PREX1: variants seen among roughly 807,000 people sequenced by gnomAD.
The protein encoded by PREX1 is phosphatidylinositol-3,4,5-trisphosphate dependent Rac exchange factor 1, also known as phosphatidylinositol 3,4,5-trisphosphate-dependent Rac exchanger 1 protein.
In PREX1, 41 loss-of-function variants were observed where a neutral mutation model predicts 198.3. The ratio of observed to expected loss-of-function variants is 0.21; its 90% CI spans 0.16 to 0.27. The LOEUF (loss-of-function observed/expected upper bound fraction) is 0.27. PREX1 is among the 10% of genes least tolerant of loss of function. The pLI, the probability that PREX1 is intolerant of heterozygous loss-of-function variation, is 1.00. For synonymous variants in PREX1, 843 were observed against 887.2 expected, an observed-to-expected ratio of 0.95 and a Z score of 0.89; for missense variants, 1,620 against 2,200.7, an observed-to-expected ratio of 0.74 and a Z score of 5.28.
intron 18 of PREX1, among the ~76,000 whole-genome samples, chr20:48,655,984 C>T (rs1463052445): frequency 1.3e-5 from 2 of 152,286 alleles, no homozygotes; most frequent in East Asian, 3.9e-4. Context: ...GCAGATAAAG[C>T]CGAGCTGGGA....
chr20:48,635,149 G>A (rs6066791), intron 32 of PREX1, among the ~76,000 whole-genome samples: 41,970 of 151,956 alleles, frequency 0.28, 5,972 homozygotes, highest in South Asian at 0.42. Context: ...TAGCACCAGC[G>A]TTCATTCGGT....
In PREX1 at chr20:48,805,537, G is replaced by T. The variant is rs532586456; in HGVS notation, c.219+22105C>A. Among the ~76,000 whole-genome samples the T allele has an allele frequency of 2.6e-5, 4 of 152,354 alleles. 1 individual carries two copies. In the South Asian group the frequency reaches 8.3e-4, roughly 32 times the overall value. Reference sequence around the variant, plus strand: ...ATATGTCTTGGCCCGAAGTGTTGTGGTGACTGGCAGACAACAAGTGCTGGC... The same window carrying T: ...ATATGTCTTGGCCCGAAGTGTTGTGTTGACTGGCAGACAACAAGTGCTGGC... On this transcript the variant is annotated intron_variant, in intron 1 of 39. Coordinates refer to ENST00000371941, the MANE Select transcript of PREX1 (RefSeq NM_020820.4).
Position 48,701,942 on chromosome 20 carries a change from C to T in PREX1, c.784-1056G>A, listed in dbSNP as rs538945086. Among the ~76,000 whole-genome samples the T allele has an allele frequency of 3.9e-5, 6 of 152,146 alleles. No individual in the cohort carries two copies. The South Asian group carries it at 6.2e-4, about 16-fold the overall frequency. On this transcript the variant is annotated intron_variant, in intron 6 of 39. Transcript: ENST00000371941. ...AATTAAGATAAAGAGGCTGGCCGGG[C>T]GCAGTGGTTCATGCCTGTAATCCTT...
chr20:48,666,467 G>T lies in PREX1; in HGVS notation c.1666-112C>A, dbSNP rs1369251405. ...AAGGTAGGCTCCACGAGGGCCAGGG[G>T]TTGTCTGTTTTGTTTACTGCAGTAA... On this transcript the variant is annotated intron_variant, in intron 14 of 39. Coordinates refer to ENST00000371941, the MANE Select transcript of PREX1 (RefSeq NM_020820.4). The surrounding 1 kb of genome is among the most constrained non-coding windows in gnomAD (Gnocchi z 4.3). The T allele has an allele frequency of 1.6e-5, 14 of 849,100 alleles. No homozygotes were observed. Among genetic ancestry groups the T allele is most frequent in the Non-Finnish European group, 2.5e-5 (13 of 530,450 alleles). 52.6% of individuals were successfully genotyped at this position (849,100 alleles called of 1,614,324 possible).
At chr20:48,651,172 C>A in intron 22 of PREX1, 117 bp from the exon 23 acceptor site, 1 of 1,366,110 alleles carries the variant, frequency 7.3e-7, no homozygotes, top group African/African-American at 1.4e-5. Flanking sequence ...AGGTGTGTTG[C>A]TGGCCCATAT....
At chr20:48,851,695 C>T in the PREX1 span, among the ~76,000 whole-genome samples, 1 of 152,248 alleles carries the variant, frequency 6.6e-6, no homozygotes, top group Admixed American at 6.5e-5. Context: ...GTTTGTTATG[C>T]ATTTGTCCCC....
At chr20:48,668,160 T>C (rs755343846) in intron 14 of PREX1, among the ~76,000 whole-genome samples, 17 of 152,094 alleles carry the variant, frequency 1.1e-4, no homozygotes, top group Non-Finnish European at 1.8e-4. Flanking sequence ...TGTGTGTGTG[T>C]GCGTGCATGC....
the PREX1 span, among the ~76,000 whole-genome samples, chr20:48,874,470 C>T: frequency 1.0e-4 from 15 of 150,442 alleles, no homozygotes; most frequent in Admixed American, 1.0e-3. Context: ...CTATGACTAG[C>T]GTTGTGGCGG....
rs778360280 is a variant in PREX1, at chr20:48,632,286, C to T, written c.4517G>A (p.Arg1506His). 1.2e-6 allele frequency: 2 copies of T among 1,613,924 alleles called. No individual in the cohort carries two copies. Among genetic ancestry groups the T allele is most frequent in the East Asian group, 4.5e-5 (2 of 44,870 alleles). The change falls in exon 35 of 40, where the codon CGC becomes CAC. Residue 1506 changes from arginine (R) to histidine (H), a missense_variant. Coordinates refer to ENST00000371941, the MANE Select transcript of PREX1 (RefSeq NM_020820.4). ...GACCCCAGGCGGATACCTGAGTTTG[C>T]GGTAATACTGCTGAACTTTCTCCAG... ...QSLEKVQQYY[R>H]KLRAFYLERS... is the part of the protein sequence containing the mutation.
the PREX1 span, among the ~76,000 whole-genome samples, chr20:48,878,216 A>G: frequency 6.6e-6 from 1 of 151,762 alleles, no homozygotes; most frequent in Admixed American, 6.6e-5. Flanking sequence ...CCCTTCGTTC[A>G]CTCTGCTCCA....
At chr20:48,725,153 C>T (rs2122696054) in intron 5 of PREX1, among the ~76,000 whole-genome samples, 1 of 152,350 alleles carries the variant, frequency 6.6e-6, no homozygotes, top group Middle Eastern at 3.4e-3. Flanking sequence ...TGCCCTGGTA[C>T]CCTTCCCCTC....
intron 10 of PREX1, among the ~76,000 whole-genome samples, chr20:48,687,712 G>C (rs1343856888): frequency 3.9e-5 from 6 of 152,326 alleles, no homozygotes; most frequent in Admixed American, 3.3e-4. Flanking sequence ...GGAGTGTCTA[G>C]CACATTGTAG....
intron 4 of PREX1, among the ~76,000 whole-genome samples, chr20:48,729,773 T>C (rs1407209192): frequency 6.6e-6 from 1 of 152,214 alleles, no homozygotes; most frequent in African/African-American, 2.4e-5. Context: ...GACATTGCAG[T>C]AGCCCTGCAG....
chr20:48,692,624 G>A (rs763047462), intron 8 of PREX1, 48 bp downstream of exon 8: 2 of 1,409,140 alleles, frequency 1.4e-6, no homozygotes, highest in Admixed American at 3.4e-5. Flanking sequence ...GTGCCAGGGA[G>A]CAGGCAGGGC....
rs1248232622 is a variant in PREX1, at chr20:48,649,571, G to A, written c.3034C>T (p.Leu1012=). Reference sequence around the variant, plus strand: ...TGCTGGGTGTACGACATGGGGTTCAGGTGGCCTGCAGTGGAGGAAGAGAGA... The same window carrying A: ...TGCTGGGTGTACGACATGGGGTTCAAGTGGCCTGCAGTGGAGGAAGAGAGA... ...LIGLDPEQGH[L]NPMSYTQHCI... Residue 1012 remains leucine (L), a synonymous_variant, in exon 25 of 40, where the codon CTG becomes TTG. Coordinates refer to ENST00000371941, the MANE Select transcript of PREX1 (RefSeq NM_020820.4). The A allele has an allele frequency of 1.9e-6, 3 of 1,591,404 alleles. No individual in the cohort carries two copies. Among genetic ancestry groups the A allele is most frequent in the Non-Finnish European group, 2.6e-6 (3 of 1,167,654 alleles).
chr20:48,661,286 G>A (rs1468954621), intron 15 of PREX1, among the ~76,000 whole-genome samples: 1 of 150,712 alleles, frequency 6.6e-6, no homozygotes, highest in Non-Finnish European at 1.5e-5. Context: ...GGGCATGGTG[G>A]CGCATGCCTG....
chr20:48,664,925 C>T (rs1204122637), intron 15 of PREX1, among the ~76,000 whole-genome samples: 1 of 148,906 alleles, frequency 6.7e-6, no homozygotes, highest in Admixed American at 6.7e-5. Context: ...GAATTCTAAT[C>T]CCGACTCCAG....
chr20:48,873,837 TC>T, the PREX1 span, among the ~76,000 whole-genome samples: 1 of 152,124 alleles, frequency 6.6e-6, no homozygotes, highest in Non-Finnish European at 1.5e-5. Flanking sequence ...TTCCCCCTAC[TC>T]CCTAGAGGTA....
At chr20:48,679,505 C>T (rs2089733508) in intron 12 of PREX1, 96 bp from the exon 13 acceptor site, 1 of 1,442,646 alleles carries the variant, frequency 6.9e-7, no homozygotes, top group African/African-American at 1.4e-5. Flanking sequence ...CAGGACGGGG[C>T]AGGGCAGGGT....
Sources: gnomAD v4.1 joint callset for allele counts (sites outside exome capture counted in the v4.1 genomes callset) on GRCh38, gnomAD v4.1.1 for gene constraint, Gnocchi (gnomAD v3.1) non-coding constraint, MANE v1.5 for transcripts, NCBI Gene and HGNC (gene_info 2026-07-23, HGNC 2026-07-21) for gene names.